The following CSMD1 variants were observed in gnomAD, a reference collection of about 807,000 sequenced individuals.
CSMD1 encodes CUB and sushi domain-containing protein 1.
Under a neutral mutation model 417.5 loss-of-function variants are expected in CSMD1, and 213 were observed. The ratio of observed to expected loss-of-function variants is 0.51; its 90% CI spans 0.46 to 0.57. CSMD1 has a LOEUF of 0.57. Among genes scored for constraint, CSMD1 ranks in the 20% least tolerant of loss-of-function variants. CSMD1 has a pLI of 0.00. For missense variants in CSMD1, 6,923 were observed against 4,529.7 expected, an observed-to-expected ratio of 1.53 and a Z score of -15.17; for synonymous variants, 2,862 against 1,736.8, an observed-to-expected ratio of 1.65 and a Z score of -16.11.
intron 3 of CSMD1, among the ~76,000 whole-genome samples, chr8:4,057,335 T>C (rs905134843): frequency 1.3e-5 from 2 of 152,232 alleles, no homozygotes; most frequent in African/African-American, 2.4e-5. Flanking sequence ...TGTCTTCTTT[T>C]GAGAAGTGTC....
intron 2 of CSMD1, among the ~76,000 whole-genome samples, chr8:4,630,673 A>G (rs1234038542): frequency 6.6e-6 from 1 of 152,172 alleles, no homozygotes; most frequent in South Asian, 2.1e-4. Context: ...GGAACATTAT[A>G]GGTTTATCTG....
At chr8:4,876,199 T>C (rs1490449474) in intron 1 of CSMD1, among the ~76,000 whole-genome samples, 4 of 152,060 alleles carry the variant, frequency 2.6e-5, no homozygotes, top group Admixed American at 6.5e-5. Flanking sequence ...TACCTAAATA[T>C]GTAGGCCACT....
At chr8:3,357,042 G>C (rs35800197) in intron 21 of CSMD1, among the ~76,000 whole-genome samples, 27 of 151,808 alleles carry the variant, frequency 1.8e-4, no homozygotes, top group Admixed American at 4.6e-4. Context: ...CTGGAGTGAG[G>C]TGGGGCTAGG....
intron 1 of CSMD1, among the ~76,000 whole-genome samples, chr8:4,823,286 C>G (rs1260693074): frequency 6.6e-6 from 1 of 151,864 alleles, no homozygotes. Flanking sequence ...GAATTAAAAA[C>G]AATTAATTAT....
chr8:3,241,009 G>C (rs182490217), intron 26 of CSMD1, among the ~76,000 whole-genome samples: 5,644 of 149,956 alleles, frequency 0.038, 281 homozygotes, highest in South Asian at 0.22. Flanking sequence ...GATGATAAGG[G>C]GTGCATGATC....
At chr8:4,739,463 T>C (rs1810457764) in intron 1 of CSMD1, among the ~76,000 whole-genome samples, 1 of 152,210 alleles carries the variant, frequency 6.6e-6, no homozygotes, top group Non-Finnish European at 1.5e-5. Context: ...GAATATTATC[T>C]AATTGAATTT....
At position 3,096,951 on chromosome 8, in the gene CSMD1, T is replaced by C. The variant is rs1362193648; in HGVS notation, c.7036A>G (p.Thr2346Ala). Reference sequence around the variant, plus strand: ...TCCACTTTAATACTCCAAGAGCAAGTCTGGGAGTTAAAATAATTACCCGGA... The same window carrying C: ...TCCACTTTAATACTCCAAGAGCAAGCCTGGGAGTTAAAATAATTACCCGGA... ...GYPGNYFNSQ[T>A]CSWSIKVEPN... Residue 2346 changes from threonine to alanine, a missense_variant, in exon 47 of 70, where the codon ACT becomes GCT. Transcript: ENST00000635120. 5.1e-6 allele frequency: 8 copies of C among 1,555,430 alleles called. No homozygotes were observed. Among genetic ancestry groups the C allele is most frequent in the Non-Finnish European group, 7.0e-6 (8 of 1,148,576 alleles).
At position 3,348,175 on chromosome 8, in the gene CSMD1, G is replaced by T; in HGVS notation, c.3305-14C>A. On this transcript the variant is annotated splice_polypyrimidine_tract_variant and intron_variant, in intron 21 of 69. Transcript: ENST00000635120. ...CTCCACATTCGGCTACAATAAATAGGACATGAGAGAAAGAGGATTCAAAAG... is the reference window on the plus strand; with the variant it reads ...CTCCACATTCGGCTACAATAAATAGTACATGAGAGAAAGAGGATTCAAAAG... The T allele has an allele frequency of 6.2e-7, 1 of 1,600,766 alleles. No individual in the cohort carries two copies. The highest frequency in any genetic ancestry group is 1.1e-5 in the South Asian group (1 of 88,482).
At chr8:4,564,607 A>G (rs1798505902) in intron 2 of CSMD1, among the ~76,000 whole-genome samples, 1 of 152,230 alleles carries the variant, frequency 6.6e-6, no homozygotes, top group Non-Finnish European at 1.5e-5. Context: ...AAATCCAGGT[A>G]ACAGTTAAGT....
intron 7 of CSMD1, among the ~76,000 whole-genome samples, chr8:3,644,965 T>TAAAAA (rs1797501015): frequency 1.7e-4 from 5 of 28,804 alleles, no homozygotes; most frequent in African/African-American, 1.2e-3. Flanking sequence ...AGGCTTTAAA[T>TAAAAA]GAAAAAAAAA....
rs1390376998 is a variant in CSMD1, at chr8:4,312,438, CG to C, written c.415+107514del. On this transcript the variant is annotated intron_variant, in intron 3 of 69. Transcript: ENST00000635120. ...ATATATATGCGCGTATATATATATG[CG>C]TATATATATACGTATATATATGCGC... Among the ~76,000 whole-genome samples the C allele has an allele frequency of 2.8e-5, 3 of 108,092 alleles. 1 individual carries two copies. Among genetic ancestry groups the C allele is most frequent in the African/African-American group, 1.3e-4 (2 of 15,568 alleles). 70.9% of individuals were successfully genotyped at this position (108,092 alleles called of 152,430 possible).
intron 3 of CSMD1, among the ~76,000 whole-genome samples, chr8:4,326,479 T>C (rs954779560): frequency 2.6e-5 from 4 of 151,994 alleles, no homozygotes; most frequent in Non-Finnish European, 4.4e-5. Flanking sequence ...CATAAGGAAG[T>C]ATCAAGAGGA....
At chr8:3,199,188 G>C (rs888406786) in intron 33 of CSMD1, among the ~76,000 whole-genome samples, 2 of 152,084 alleles carry the variant, frequency 1.3e-5, no homozygotes, top group Admixed American at 6.6e-5. Context: ...AGGTGTAAAA[G>C]TACCCAAAGT....
chr8:4,307,289 T>C (rs990247166), intron 3 of CSMD1, among the ~76,000 whole-genome samples: 3 of 152,074 alleles, frequency 2.0e-5, no homozygotes, highest in African/African-American at 7.2e-5. Flanking sequence ...CTCACATATA[T>C]ATATTAATCC....
intron 2 of CSMD1, among the ~76,000 whole-genome samples, chr8:4,577,202 T>C (rs907160151): frequency 1.4e-4 from 21 of 152,200 alleles, no homozygotes; most frequent in African/African-American, 4.6e-4. Context: ...TTCTTTTGAA[T>C]GTATCAAAAT....
chr8:4,079,626 G>T (rs983142790), intron 3 of CSMD1, among the ~76,000 whole-genome samples: 1 of 152,178 alleles, frequency 6.6e-6, no homozygotes, highest in African/African-American at 2.4e-5. Flanking sequence ...TGGAGAATTA[G>T]CTAAATTGAT....
chr8:4,208,425 T>G (rs1563275503), intron 3 of CSMD1, among the ~76,000 whole-genome samples: 1 of 152,182 alleles, frequency 6.6e-6, no homozygotes, highest in Admixed American at 6.5e-5. Context: ...GAAAACTCTA[T>G]TATGGTTTTT....
At chr8:3,070,822 T>C (rs1190695332) in intron 49 of CSMD1, among the ~76,000 whole-genome samples, 1 of 152,216 alleles carries the variant, frequency 6.6e-6, no homozygotes. Flanking sequence ...TATAGCAATG[T>C]CCCACTCCTT....
intron 50 of CSMD1, among the ~76,000 whole-genome samples, chr8:3,034,909 G>A (rs1018113528): frequency 5.9e-5 from 9 of 152,168 alleles, no homozygotes; most frequent in Non-Finnish European, 1.2e-4. Context: ...AAGGCAAAGC[G>A]TGAGCCAGCG....
Sources: gnomAD v4.1 joint callset for allele counts (sites outside exome capture counted in the v4.1 genomes callset) on GRCh38, gnomAD v4.1.1 for gene constraint, MANE v1.5 for transcripts, NCBI Gene and HGNC (gene_info 2026-07-23, HGNC 2026-07-21) for gene names.